LRRC61: variants seen among roughly 807,000 people sequenced by gnomAD.
The protein encoded by LRRC61 is leucine-rich repeat-containing protein 61.
LRRC61 carries 9 observed loss-of-function variants against 15.1 expected under a neutral mutation model. The observed-to-expected ratio is 0.60, with a 90% CI of 0.36 to 1.04. The LOEUF (loss-of-function observed/expected upper bound fraction) is 1.04, where lower values mean the gene tolerates loss of function less well. LRRC61 is among the 50% of genes least tolerant of loss of function. The pLI, the probability that LRRC61 is intolerant of heterozygous loss-of-function variation, is 0.01. For synonymous variants in LRRC61, 173 were observed against 158.6 expected (o/e 1.09, Z -0.68); for missense variants, 344 against 335.6 (o/e 1.03, Z -0.20).
chr7:150,325,282 C>T (rs1226817105), intron 1 of LRRC61, among the ~76,000 whole-genome samples: 2 of 152,248 alleles, frequency 1.3e-5, no homozygotes, highest in East Asian at 1.9e-4. Context: ...TCCCTTTTGC[C>T]TCCCAGGGAT....
Position 150,337,386 on chromosome 7 carries a change from G to A in LRRC61, c.525G>A (p.Leu175=). The A allele has an allele frequency of 3.1e-6, 5 of 1,605,788 alleles. No homozygotes were observed. The highest frequency in any genetic ancestry group is 1.1e-5 in the South Asian group (1 of 91,090). ...GGCGTGGTAGTGAGTTCTACCAGCTGTGCCGAGACCTGGACAGCTCCTTGC... is the reference window on the plus strand; with the variant it reads ...GGCGTGGTAGTGAGTTCTACCAGCTATGCCGAGACCTGGACAGCTCCTTGC... The part of the protein sequence containing the change: ...VIGRGSEFYQ[L]CRDLDSSLRP... Residue 175 remains leucine (L), a synonymous_variant, in exon 3 of 3, where the codon CTG becomes CTA. Transcript: ENST00000359623.
rs1178777364 is a variant in LRRC61, at chr7:150,333,979, G to T, written c.-144-2739G>T. 1.0e-6 allele frequency: 1 copy of T among 985,208 alleles called. No individual in the cohort carries two copies. The highest frequency in any genetic ancestry group is 1.7e-5 in the African/African-American group (1 of 57,190). 61.0% of individuals were successfully genotyped at this position (985,208 alleles called of 1,614,324 possible). On this transcript the variant is annotated intron_variant, in intron 2 of 2. Coordinates refer to ENST00000359623, the MANE Select transcript of LRRC61 (RefSeq NM_001142928.2). The surrounding 1 kb of genome is among the most constrained non-coding windows in gnomAD (Gnocchi z 4.3). ...CCAGGCCTGCATCTGGTGAGGGCAG[G>T]ACGGGGCCACACTGGTGCAGGGCTG...
At chr7:150,324,430 GAGA>G (rs1380278482) in intron 1 of LRRC61, 4 of 152,284 alleles carry the variant, frequency 2.6e-5, no homozygotes, top group Admixed American at 6.5e-5. Flanking sequence ...TGAGAGCAGC[GAGA>G]AGAATAGGTC....
chr7:150,315,215 G>A, the LRRC61 span, among the ~76,000 whole-genome samples: 1 of 151,360 alleles, frequency 6.6e-6, no homozygotes, highest in Non-Finnish European at 1.5e-5. Context: ...AAAAAGCAAT[G>A]ACTATAAAAG....
chr7:150,326,049 T>C (rs1296350328), intron 2 of LRRC61, 39 bp downstream of exon 2: 5 of 152,328 alleles, frequency 3.3e-5, no homozygotes, highest in Non-Finnish European at 5.9e-5. Context: ...AGCTCTTCAG[T>C]GTAATAGACC....
At chr7:150,322,545 T>C (rs2108851), upstream of LRRC61, 38,563 of 151,914 alleles carry the variant, frequency 0.25, 5,064 homozygotes, top group East Asian at 0.42. Context: ...ATACTCTATA[T>C]GGTCTAAAAA....
At position 150,337,573 on chromosome 7, in the gene LRRC61, A is replaced by G; in HGVS notation, c.712A>G (p.Ser238Gly). The change falls in exon 3 of 3, where the codon AGC becomes GGC. Residue 238 changes from serine to glycine, a missense_variant. Physicochemically the swap from Ser to Gly is moderately conservative, Grantham distance 56. Coordinates refer to ENST00000359623, the MANE Select transcript of LRRC61 (RefSeq NM_001142928.2). ...GTGCTGGGACCTGGACCGCCAGGCC[A>G]GCGACAGCCTGGCCCAGGCGGAGCA... ...QECWDLDRQA[S>G]DSLAQAEQVL... The G allele has an allele frequency of 6.3e-7, 1 of 1,587,130 alleles. No homozygotes were observed. The highest frequency in any genetic ancestry group is 8.6e-7 in the Non-Finnish European group (1 of 1,167,462).
At position 150,325,890 on chromosome 7, in the gene LRRC61, T is replaced by C. The variant is rs960979958; in HGVS notation, c.-265T>C. ...CTCAACAGTGCCAGCTGCACTGTCA[T>C]CCTAAAGTACTTCTGTGGAAGAGAA... On this transcript the variant is annotated 5_prime_UTR_variant, in exon 2 of 3. Coordinates refer to ENST00000359623, the MANE Select transcript of LRRC61 (RefSeq NM_001142928.2). 2 of 152,674 alleles carry C rather than the reference T, an allele frequency of 1.3e-5. No individual in the cohort carries two copies. Among genetic ancestry groups the C allele is most frequent in the African/African-American group, 4.8e-5 (2 of 41,454 alleles). The allele number at this position is 152,674 out of a possible 1,614,324, so 9.5% of individuals were successfully genotyped here.
rs1288851993 is a variant in LRRC61 at position 150,338,013 on chromosome 7, G to A, written c.*372G>A. 4.9e-6 allele frequency: 2 copies of A among 410,148 alleles called. No homozygotes were observed. Among genetic ancestry groups the A allele is most frequent in the South Asian group, 2.3e-5 (1 of 42,674 alleles). 25.4% of individuals were successfully genotyped at this position (410,148 alleles called of 1,614,324 possible). A position where few individuals can be genotyped will look rare whatever the true frequency, so the allele number is the denominator to read the frequency against. ...TTGGGAGACAGTAGGCAGGCTGAGT[G>A]GCCCAGAGCACTCCTGGAAGTGGGA... On this transcript the variant is annotated 3_prime_UTR_variant, in exon 3 of 3. Transcript: ENST00000359623.
the LRRC61 span, among the ~76,000 whole-genome samples, chr7:150,316,760 A>G: frequency 2.6e-5 from 4 of 152,214 alleles, no homozygotes; most frequent in Non-Finnish European, 4.4e-5. Flanking sequence ...CTGGGATTAC[A>G]GGCATGAGCC....
Position 150,336,861 on chromosome 7 carries a change from C to G in LRRC61, c.-1C>G. 1.2e-6 allele frequency: 2 copies of G among 1,607,484 alleles called. No individual in the cohort carries two copies. Among genetic ancestry groups the G allele is most frequent in the South Asian group, 1.1e-5 (1 of 90,042 alleles). Reference sequence around the variant, plus strand: ...AGGCCATCCCAACCGACTTCCATCTCATGGACCCTCCAGCGGAGAAGCCGG... The same window carrying G: ...AGGCCATCCCAACCGACTTCCATCTGATGGACCCTCCAGCGGAGAAGCCGG... On this transcript the variant is annotated 5_prime_UTR_variant, in exon 3 of 3. Coordinates refer to ENST00000359623, the MANE Select transcript of LRRC61 (RefSeq NM_001142928.2).
chr7:150,333,965 T>C lies in LRRC61; in HGVS notation c.-144-2753T>C. The C allele has an allele frequency of 6.1e-6, 6 of 985,102 alleles. No homozygotes were observed. Among genetic ancestry groups the C allele is most frequent in the Non-Finnish European group, 7.2e-6 (6 of 829,838 alleles). 61.0% of individuals were successfully genotyped at this position (985,102 alleles called of 1,614,324 possible). On this transcript the variant is annotated intron_variant, in intron 2 of 2. Coordinates refer to ENST00000359623, the MANE Select transcript of LRRC61 (RefSeq NM_001142928.2). The surrounding 1 kb of genome is among the most constrained non-coding windows in gnomAD (Gnocchi z 4.3). ...CCCATCACCAAGACCCAGGCCTGCA[T>C]CTGGTGAGGGCAGGACGGGGCCACA...
In LRRC61 at chr7:150,330,455, G is replaced by T; in HGVS notation, c.-145+4445G>T. ...CACAGGCCTCTCTGAGCCAGGTGCT[G>T]CCCCAGCTGCGCTACCTGCACATCT... On this transcript the variant is annotated intron_variant, in intron 2 of 2. Transcript: ENST00000359623. The surrounding 1 kb of genome is among the most constrained non-coding windows in gnomAD (Gnocchi z 4.6). The T allele has an allele frequency of 1.3e-6, 1 of 778,044 alleles. No individual in the cohort carries two copies. The allele number at this position is 778,044 out of a possible 1,614,324, so 48.2% of individuals were successfully genotyped here.
chr7:150,336,940 GA>G lies in LRRC61; in HGVS notation c.80del (p.Glu27GlyfsTer10). On this transcript the variant is annotated frameshift_variant, in exon 3 of 3. Coordinates refer to ENST00000359623, the MANE Select transcript of LRRC61 (RefSeq NM_001142928.2). LOFTEE classifies it high-confidence loss of function. The stretch of plus-strand genomic sequence containing the variant: ...CCAGCTGCTGAAGTCACGCACAGGC[GA>G]GTTCTCCCTGGAGTCCATCCTGCTA... ...TPQLLKSRTG[E>X]FSLESILLLK... The G allele has an allele frequency of 6.2e-7, 1 of 1,613,902 alleles. No individual in the cohort carries two copies. The highest frequency in any genetic ancestry group is 8.5e-7 in the Non-Finnish European group (1 of 1,180,032).
chr7:150,325,116 A>G (rs1797912823), intron 1 of LRRC61, among the ~76,000 whole-genome samples: 1 of 152,206 alleles, frequency 6.6e-6, no homozygotes, highest in African/African-American at 2.4e-5. Context: ...ATGGACCTGT[A>G]TGAGGAAAGA....
chr7:150,317,416 A>T, the LRRC61 span, among the ~76,000 whole-genome samples: 1 of 152,160 alleles, frequency 6.6e-6, no homozygotes, highest in Non-Finnish European at 1.5e-5. Flanking sequence ...CCCATTTATT[A>T]ATATTAAACC....
chr7:150,334,919 G>T (rs35538855), intron 2 of LRRC61, among the ~76,000 whole-genome samples: 5,901 of 152,080 alleles, frequency 0.039, 253 homozygotes, highest in East Asian at 0.13. Context: ...CTACTTGGGA[G>T]GCTGAGGCAG....
chr7:150,310,511 C>A, the LRRC61 span, among the ~76,000 whole-genome samples: 2 of 144,380 alleles, frequency 1.4e-5, no homozygotes, highest in African/African-American at 5.9e-5. Flanking sequence ...TCAAATTGTC[C>A]TTCCCAACCA....
chr7:150,321,298 T>A (rs1175367884), upstream of LRRC61, among the ~76,000 whole-genome samples: 1 of 152,236 alleles, frequency 6.6e-6, no homozygotes, highest in Non-Finnish European at 1.5e-5. Context: ...TTGAATAAAG[T>A]CTCTCACCTT....
Sources: gnomAD v4.1 joint callset for allele counts (sites outside exome capture counted in the v4.1 genomes callset) on GRCh38, gnomAD v4.1.1 for gene constraint, Gnocchi (gnomAD v3.1) non-coding constraint, MANE v1.5 for transcripts, NCBI Gene and HGNC (gene_info 2026-07-23, HGNC 2026-07-21) for gene names.